The following NTNG1 variants were observed in gnomAD, a reference collection of about 807,000 sequenced individuals.
NTNG1 encodes netrin-G1.
A neutral mutation model predicts 54.0 loss-of-function variants in NTNG1; 16 were observed. The observed-to-expected ratio is 0.30, with a 90% CI of 0.20 to 0.45. The LOEUF (loss-of-function observed/expected upper bound fraction) is 0.45. NTNG1 is among the 20% of genes least tolerant of loss of function. The pLI is 1.00. For missense variants in NTNG1, 530 were observed against 678.7 expected (o/e 0.78, Z 2.43); for synonymous variants, 255 against 263.1 (o/e 0.97, Z 0.30).
At chr1:107,304,416 G>A (rs1036075287) in intron 2 of NTNG1, among the ~76,000 whole-genome samples, 1 of 152,014 alleles carries the variant, frequency 6.6e-6, no homozygotes, top group African/African-American at 2.4e-5. Context: ...CACATTTATG[G>A]CCAAATACAT....
chr1:107,449,517 C>G (rs910942093), intron 7 of NTNG1, among the ~76,000 whole-genome samples: 4 of 151,958 alleles, frequency 2.6e-5, no homozygotes, highest in African/African-American at 9.7e-5. Context: ...CAGTTTGCCA[C>G]TCCTAGTTAG....
chr1:107,237,506 C>T (rs1267368256), intron 2 of NTNG1, among the ~76,000 whole-genome samples: 1 of 152,134 alleles, frequency 6.6e-6, no homozygotes, highest in African/African-American at 2.4e-5. Context: ...ATCCCCAAGA[C>T]AATGAAGAAA....
At chr1:107,184,508 C>T (rs1197997309) in intron 2 of NTNG1, among the ~76,000 whole-genome samples, 2 of 152,092 alleles carry the variant, frequency 1.3e-5, no homozygotes, top group Admixed American at 1.3e-4. Flanking sequence ...GAGACCTCAC[C>T]CCCTTCATTT....
chr1:107,326,835 G>T (rs1354287413), intron 3 of NTNG1, among the ~76,000 whole-genome samples: 3 of 152,016 alleles, frequency 2.0e-5, no homozygotes, highest in Admixed American at 6.6e-5. Flanking sequence ...TATTCATTTT[G>T]TTTCCTCTAA....
intron 7 of NTNG1, among the ~76,000 whole-genome samples, chr1:107,477,745 C>A (rs1417125009): frequency 1.3e-5 from 2 of 151,676 alleles, no homozygotes; most frequent in Non-Finnish European, 2.9e-5. Context: ...TATACTATAT[C>A]ATAATATGTG....
At chr1:107,297,587 C>T (rs755700018) in intron 2 of NTNG1, among the ~76,000 whole-genome samples, 3 of 151,998 alleles carry the variant, frequency 2.0e-5, no homozygotes, top group Non-Finnish European at 4.4e-5. Flanking sequence ...TTCTTATGTG[C>T]TCTATGATTT....
At chr1:107,226,968 C>T (rs1355590440) in intron 2 of NTNG1, among the ~76,000 whole-genome samples, 3 of 152,062 alleles carry the variant, frequency 2.0e-5, no homozygotes, top group African/African-American at 4.8e-5. Context: ...CTCTGGAATT[C>T]CTGAATCCAC....
At chr1:107,266,616 G>GTTTTT (rs545857167) in intron 2 of NTNG1, among the ~76,000 whole-genome samples, 1 of 131,970 alleles carries the variant, frequency 7.6e-6, no homozygotes, top group African/African-American at 3.0e-5. Flanking sequence ...TAGCAACATT[G>GTTTTT]TTTTTTTTTT....
intron 4 of NTNG1, among the ~76,000 whole-genome samples, chr1:107,404,808 G>A (rs2101131061): frequency 6.6e-6 from 1 of 152,224 alleles, no homozygotes; most frequent in South Asian, 2.1e-4. Context: ...GGAGGAGGAA[G>A]GAAATAAATA....
At chr1:107,375,932 G>A (rs371089351) in intron 3 of NTNG1, among the ~76,000 whole-genome samples, 9 of 152,072 alleles carry the variant, frequency 5.9e-5, no homozygotes, top group South Asian at 2.1e-4. Flanking sequence ...CCTCATTTTG[G>A]AGAAAGACAG....
chr1:107,263,534 G>A (rs1182772056), intron 2 of NTNG1, among the ~76,000 whole-genome samples: 2 of 152,128 alleles, frequency 1.3e-5, no homozygotes, highest in Admixed American at 6.5e-5. Context: ...TAGCACTTTG[G>A]GGAGGTTGCT....
At chr1:107,341,800 T>C (rs1437392577) in intron 3 of NTNG1, among the ~76,000 whole-genome samples, 1 of 152,096 alleles carries the variant, frequency 6.6e-6, no homozygotes, top group Non-Finnish European at 1.5e-5. Flanking sequence ...AACTAATGAA[T>C]TTTTAGTTCT....
chr1:107,242,279 A>G (rs751131986), intron 2 of NTNG1, among the ~76,000 whole-genome samples: 6 of 152,150 alleles, frequency 3.9e-5, no homozygotes, highest in Non-Finnish European at 7.3e-5. Context: ...TTACACTACT[A>G]CACTCCAGCT....
chr1:107,293,674 G>A (rs113281126), intron 2 of NTNG1, among the ~76,000 whole-genome samples: 2,965 of 152,236 alleles, frequency 0.019, 49 homozygotes, highest in Middle Eastern at 0.031. Context: ...GGGTATAATT[G>A]TTCAATGCTT....
chr1:107,313,478 A>G (rs75960873), intron 2 of NTNG1, among the ~76,000 whole-genome samples: 2,010 of 152,304 alleles, frequency 0.013, 46 homozygotes, highest in African/African-American at 0.046. Context: ...CTGAGAAATC[A>G]TATCTGAAGA....
chr1:107,292,507 G>A (rs997129005), intron 2 of NTNG1, among the ~76,000 whole-genome samples: 5 of 152,022 alleles, frequency 3.3e-5, no homozygotes, highest in African/African-American at 1.2e-4. Flanking sequence ...AATAATAATT[G>A]GTCACTGCCA....
intron 2 of NTNG1, among the ~76,000 whole-genome samples, chr1:107,295,165 T>G (rs1311759734): frequency 6.6e-6 from 1 of 152,212 alleles, no homozygotes; most frequent in Admixed American, 6.5e-5. Flanking sequence ...CTCTTGCCTT[T>G]TTAAAGTGGA....
chr1:107,189,467 A>G (rs1657735945), intron 2 of NTNG1, among the ~76,000 whole-genome samples: 1 of 151,874 alleles, frequency 6.6e-6, no homozygotes, highest in Non-Finnish European at 1.5e-5. Flanking sequence ...TCTTGAAAAA[A>G]AAAAGGCGGG....
At chr1:107,330,367 T>G (rs941100311) in intron 3 of NTNG1, among the ~76,000 whole-genome samples, 7 of 152,150 alleles carry the variant, frequency 4.6e-5, no homozygotes, top group African/African-American at 1.7e-4. Context: ...GGTGTAACTG[T>G]GCAGACTGGA....
Sources: allele counts gnomAD v4.1 joint callset (sites outside exome capture counted in the v4.1 genomes callset), GRCh38; gene constraint gnomAD v4.1.1; transcripts MANE v1.5; gene names NCBI Gene and HGNC (gene_info 2026-07-23, HGNC 2026-07-21).